Variants in GNS observed in about 807,000 individuals in gnomAD.
GNS encodes the protein glucosamine (N-acetyl)-6-sulfatase, also known as N-acetylglucosamine-6-sulfatase.
A neutral mutation model predicts 69.7 loss-of-function variants in GNS; 40 were observed. That is an observed-to-expected ratio of 0.57 (90% CI 0.45 to 0.75). The LOEUF (loss-of-function observed/expected upper bound fraction) is 0.75, where lower values mean the gene tolerates loss of function less well. GNS is among the 30% of genes least tolerant of loss of function. The pLI, the probability that GNS is intolerant of heterozygous loss-of-function variation, is 0.00. For missense variants in GNS, 565 were observed against 685.5 expected (o/e 0.82, Z 1.96); for synonymous variants, 243 against 251.6 (o/e 0.97, Z 0.32).
chr12:64,741,093 G>A (rs879433181), intron 6 of GNS, among the ~76,000 whole-genome samples: 1 of 134,398 alleles, frequency 7.4e-6, no homozygotes. Context: ...TGTAGTCCCA[G>A]CTACTTGGGA....
intron 6 of GNS, 46 bp downstream of exon 6, chr12:64,743,095 T>C: frequency 7.1e-7 from 1 of 1,406,546 alleles, no homozygotes; most frequent in South Asian, 1.2e-5. Flanking sequence ...TACCATATAG[T>C]TAATGATACT....
chr12:64,731,230 T>C (rs569457713), intron 9 of GNS, among the ~76,000 whole-genome samples: 1 of 152,336 alleles, frequency 6.6e-6, no homozygotes, highest in East Asian at 1.9e-4. Flanking sequence ...GTACACACCA[T>C]GATGCCCAGC....
chr12:64,716,853 T>G, intron 13 of GNS, 34 bp from the exon 14 acceptor site: 3 of 1,252,096 alleles, frequency 2.4e-6, no homozygotes, highest in Non-Finnish European at 3.5e-6. Context: ...ACATTAGCTC[T>G]CACTAGCTTC....
At chr12:64,730,434 C>CAAAAAAAAAAAAAAAAAAAAAAAAA in intron 9 of GNS, among the ~76,000 whole-genome samples, 1 of 43,386 alleles carries the variant, frequency 2.3e-5, no homozygotes, top group Non-Finnish European at 3.9e-5. Context: ...ATATGAAAGG[C>CAAAAAAAAAAAAAAAAAAAAAAAAA]AAAAAAAAAA....
chr12:64,745,843 T>G (rs1869883185), intron 3 of GNS, 119 bp from the exon 4 acceptor site: 1 of 728,134 alleles, frequency 1.4e-6, no homozygotes, highest in Non-Finnish European at 2.5e-6. Flanking sequence ...GTACCTAATT[T>G]CCCCAAATAG....
At chr12:64,754,967 G>A (rs1054399802) in intron 1 of GNS, among the ~76,000 whole-genome samples, 7 of 151,448 alleles carry the variant, frequency 4.6e-5, no homozygotes, top group South Asian at 2.1e-4. Flanking sequence ...ACCATAATCC[G>A]TGCTTAATTG....
intron 8 of GNS, among the ~76,000 whole-genome samples, chr12:64,737,349 C>T (rs914311698): frequency 2.0e-5 from 3 of 152,060 alleles, no homozygotes; most frequent in Non-Finnish European, 2.9e-5. Flanking sequence ...ACAAAATAAG[C>T]AAAAATAATG....
At chr12:64,748,974 G>A (rs1393518683) in intron 2 of GNS, among the ~76,000 whole-genome samples, 2 of 152,122 alleles carry the variant, frequency 1.3e-5, no homozygotes, top group Non-Finnish European at 2.9e-5. Flanking sequence ...GAGTCTCGCT[G>A]TGTCACGCAG....
Position 64,716,549 on chromosome 12 carries a change from A to C in GNS, c.*192T>G, listed in dbSNP as rs1868863462. On this transcript the variant is annotated 3_prime_UTR_variant, in exon 14 of 14. Transcript: ENST00000258145. ...GACCAGAGACAGCCACTCCTGACAC[A>C]TGGGCAGAGTTCACAGTTTAACACA... is the stretch of plus-strand genomic sequence containing the variant. The C allele has an allele frequency of 3.1e-6, 2 of 646,274 alleles. No individual in the cohort carries two copies. The highest frequency in any genetic ancestry group is 3.3e-5 in the South Asian group (2 of 61,176). 40.0% of individuals were successfully genotyped at this position (646,274 alleles called of 1,614,324 possible).
rs760143261 is a variant in GNS at position 64,720,145 on chromosome 12, T to C, written c.1457A>G (p.Asp486Gly). The C allele has an allele frequency of 2.5e-6, 4 of 1,605,312 alleles. No homozygotes were observed. In the Admixed American group the frequency reaches 6.7e-5, roughly 27 times the overall value. Residue 486 changes from aspartate (D) to glycine (G), a missense_variant, in exon 13 of 14, where the codon GAC becomes GGC. Transcript: ENST00000258145. ...VEVYNLTADP[D>G]QITNIAKTID... ...GGTTTTAGCAATGTTAGTGATCTGG[T>C]CTGGGTCTGCAGTCAGATTATAGAC...
chr12:64,750,684 C>G (rs1870048222), intron 2 of GNS, among the ~76,000 whole-genome samples: 2 of 151,700 alleles, frequency 1.3e-5, no homozygotes, highest in African/African-American at 4.8e-5. Context: ...CAGAGGATCA[C>G]TTGAGGCCAG....
intron 10 of GNS, among the ~76,000 whole-genome samples, chr12:64,724,540 AATC>A (rs1410908360): frequency 1.3e-5 from 2 of 152,184 alleles, no homozygotes; most frequent in African/African-American, 4.8e-5. Flanking sequence ...GGATCTCAGA[AATC>A]ATGAGTCACT....
chr12:64,720,663 A>T (rs931169576), intron 12 of GNS, among the ~76,000 whole-genome samples: 3 of 152,238 alleles, frequency 2.0e-5, no homozygotes, highest in Non-Finnish European at 4.4e-5. Context: ...TACAAATGTT[A>T]AGTTTTCCTA....
chr12:64,740,727 C>T (rs754825338), intron 6 of GNS, 39 bp from the exon 7 acceptor site: 6 of 956,172 alleles, frequency 6.3e-6, no homozygotes, highest in Non-Finnish European at 1.0e-5. Flanking sequence ...CACCAAGTCA[C>T]CACAGTCAAA....
At chr12:64,743,110 A>G (rs1164691668) in intron 6 of GNS, 31 bp downstream of exon 6, 2 of 1,531,714 alleles carry the variant, frequency 1.3e-6, no homozygotes, top group East Asian at 4.5e-5. Context: ...GATACTTAGT[A>G]TGGCTGAATA....
chr12:64,751,951 CAAAAA>C (rs570528616), intron 2 of GNS, among the ~76,000 whole-genome samples: 4 of 64,808 alleles, frequency 6.2e-5, no homozygotes, highest in African/African-American at 6.4e-5. Flanking sequence ...TTGCGCCACT[CAAAAA>C]AAAAAAAAAA....
chr12:64,721,534 C>T, intron 12 of GNS, 61 bp downstream of exon 12: 1 of 836,222 alleles, frequency 1.2e-6, no homozygotes, highest in Non-Finnish European at 2.1e-6. Context: ...GCCACCAAGT[C>T]CAGCCAACAA....
intron 6 of GNS, among the ~76,000 whole-genome samples, chr12:64,742,156 G>A (rs530629647): frequency 1.4e-3 from 219 of 152,214 alleles, no homozygotes; most frequent in Admixed American, 3.7e-3. Context: ...GAGTAGCTGG[G>A]AGTACAGGTG....
chr12:64,742,961 AG>A (rs1565625578), intron 6 of GNS, among the ~76,000 whole-genome samples, 179 bp downstream of exon 6: 1 of 152,248 alleles, frequency 6.6e-6, no homozygotes, highest in Non-Finnish European at 1.5e-5. Context: ...GATGTGTAGC[AG>A]GAACTTTATC....
Sources: gnomAD v4.1 joint callset for allele counts (sites outside exome capture counted in the v4.1 genomes callset) on GRCh38, gnomAD v4.1.1 for gene constraint, MANE v1.5 for transcripts, NCBI Gene and HGNC (gene_info 2026-07-23, HGNC 2026-07-21) for gene names.